The following MT1B variants were observed in gnomAD, a reference collection of about 807,000 sequenced individuals.
The protein encoded by MT1B is metallothionein 1B.
A neutral mutation model predicts 7.9 loss-of-function variants in MT1B; 4 were observed. The ratio of observed to expected loss-of-function variants is 0.51; its 90% confidence interval spans 0.25 to 1.16. The LOEUF (loss-of-function observed/expected upper bound fraction) is 1.16. Ranked by LOEUF, MT1B falls within the 50% of genes most tolerant of loss-of-function variation. MT1B has a pLI of 0.15. For missense variants in MT1B, 76 were observed against 75.2 expected, an observed-to-expected ratio of 1.01 and a Z score of -0.04; for synonymous variants, 22 against 27.6, an observed-to-expected ratio of 0.80 and a Z score of 0.63.
chr16:56,652,888 G>T, intron 2 of MT1B, 86 bp from the exon 3 acceptor site: 3 of 1,455,162 alleles, frequency 2.1e-6, no homozygotes, highest in Non-Finnish European at 1.9e-6. Flanking sequence ...GGGTGTGGGG[G>T]CTGAACTTCA....
rs568324461 is a variant in MT1B, at chr16:56,651,938, C to T, written c.-16C>T. The T allele has an allele frequency of 1.7e-5, 27 of 1,614,222 alleles. No individual in the cohort carries two copies. In the South Asian group the frequency reaches 2.2e-4, roughly 13 times the overall value. ...TCATATCTTGCCTAGGAACTCCAGG[C>T]TTGTCTTGGCTCCAAATGGATCCCA... On this transcript the variant is annotated 5_prime_UTR_variant, in exon 1 of 3. Coordinates refer to ENST00000334346, the MANE Select transcript of MT1B (RefSeq NM_005947.3).
At chr16:56,652,080 A>C in intron 1 of MT1B, 99 bp downstream of exon 1, 1 of 1,475,732 alleles carries the variant, frequency 6.8e-7, no homozygotes, top group Non-Finnish European at 9.5e-7. Flanking sequence ...ATGTGAGTTG[A>C]AGGGAACTCG....
Position 56,652,559 on chromosome 16 carries a change from G to A in MT1B, c.29-12G>A, listed in dbSNP as rs964374. ...TTACTCACTGCCCACTGCCTTTTTC[G>A]CTTCCTTGCAGGTGGCTCCTGTGCC... On this transcript the variant is annotated splice_polypyrimidine_tract_variant and intron_variant, in intron 1 of 2. Transcript: ENST00000334346. 1.8e-4 allele frequency: 291 copies of A among 1,613,122 alleles called. No homozygotes were observed. The African/African-American group carries it at 3.7e-3, about 21-fold the overall frequency.
intron 2 of MT1B, 115 bp from the exon 3 acceptor site, chr16:56,652,859 G>A (rs2144333292): frequency 6.2e-6 from 8 of 1,291,952 alleles, no homozygotes; most frequent in Non-Finnish European, 7.8e-6. Flanking sequence ...AGCTGTGCCA[G>A]CCTAAAAATG....
Position 56,652,646 on chromosome 16 carries a change from G to T in MT1B, c.94+10G>T. The T allele has an allele frequency of 6.2e-7, 1 of 1,613,950 alleles. No homozygotes were observed. The highest frequency in any genetic ancestry group is 1.1e-5 in the South Asian group (1 of 91,086). On this transcript the variant is annotated intron_variant, in intron 2 of 2. Coordinates refer to ENST00000334346, the MANE Select transcript of MT1B (RefSeq NM_005947.3). Reference sequence around the variant, plus strand: ...ACCTCCTGCAAGAAGTGTGAGTGTGGGATCATCTCCAGGAATCTGGGGCTG... The same window carrying T: ...ACCTCCTGCAAGAAGTGTGAGTGTGTGATCATCTCCAGGAATCTGGGGCTG...
In MT1B at chr16:56,653,168, T is replaced by G; in HGVS notation, c.*103T>G. 1 of 1,081,252 alleles carries G rather than the reference T, an allele frequency of 9.2e-7. No individual in the cohort carries two copies. The highest frequency in any genetic ancestry group is 2.4e-5 in the East Asian group (1 of 41,126). 67.0% of individuals were successfully genotyped at this position (1,081,252 alleles called of 1,614,324 possible). On this transcript the variant is annotated 3_prime_UTR_variant, in exon 3 of 3. Coordinates refer to ENST00000334346, the MANE Select transcript of MT1B (RefSeq NM_005947.3). Reference sequence around the variant, plus strand: ...CGGTTTGCTACATTCTTTTTTCTATTCAATATGTGAAAGACAATAAAACAC... The same window carrying G: ...CGGTTTGCTACATTCTTTTTTCTATGCAATATGTGAAAGACAATAAAACAC...
chr16:56,652,051 G>A (rs559491914), intron 1 of MT1B, 70 bp downstream of exon 1: 2 of 1,588,666 alleles, frequency 1.3e-6, no homozygotes, highest in African/African-American at 2.7e-5. Flanking sequence ...CCCTGGGTTA[G>A]AGAAGGTTGC....
chr16:56,652,480 C>A, intron 1 of MT1B, 91 bp from the exon 2 acceptor site: 1 of 1,247,586 alleles, frequency 8.0e-7, no homozygotes, highest in Admixed American at 1.7e-5. Flanking sequence ...GCTGGCCCTG[C>A]ACAGAGGATG....
intron 1 of MT1B, 50 bp downstream of exon 1, chr16:56,652,031 T>C: frequency 1.2e-6 from 2 of 1,608,872 alleles, no homozygotes; most frequent in Non-Finnish European, 8.5e-7. Context: ...CCGGCCACTG[T>C]ACACAGTGTC....
At chr16:56,652,871 A>G in intron 2 of MT1B, 103 bp from the exon 3 acceptor site, 1 of 1,361,974 alleles carries the variant, frequency 7.3e-7, no homozygotes, top group Non-Finnish European at 1.0e-6. Context: ...CTAAAAATGC[A>G]TCCTCTGGGT....
intron 1 of MT1B, 24 bp downstream of exon 1, chr16:56,652,005 C>G (rs1398052616): frequency 1.2e-6 from 2 of 1,613,978 alleles, no homozygotes; most frequent in Non-Finnish European, 1.7e-6. Flanking sequence ...GGCTCTGGGC[C>G]TTGAGATGCC....
chr16:56,652,206 C>T (rs924651926), intron 1 of MT1B, among the ~76,000 whole-genome samples: 21 of 152,358 alleles, frequency 1.4e-4, no homozygotes, highest in African/African-American at 4.6e-4. Flanking sequence ...TCCATGTCAC[C>T]CACCTAGTCA....
chr16:56,652,836 A>G, intron 2 of MT1B, 138 bp from the exon 3 acceptor site: 1 of 1,177,194 alleles, frequency 8.5e-7, no homozygotes, highest in Non-Finnish European at 1.3e-6. Context: ...CCTCAAATGT[A>G]CCATCAGAAC....
chr16:56,652,541 C>T, intron 1 of MT1B, 30 bp from the exon 2 acceptor site: 2 of 1,609,618 alleles, frequency 1.2e-6, no homozygotes, highest in Non-Finnish European at 1.7e-6. Flanking sequence ...ATCTTACTCA[C>T]TGCCCACTGC....
Position 56,652,788 on chromosome 16 carries a change from A to T in MT1B, c.94+152A>T. On this transcript the variant is annotated intron_variant, in intron 2 of 2. Transcript: ENST00000334346. ...TCTCCAGGCTTTCTGCTCTGAGCTCAGATGGGTCAGGGCAGACTTTTTCTA... is the reference window on the plus strand; with the variant it reads ...TCTCCAGGCTTTCTGCTCTGAGCTCTGATGGGTCAGGGCAGACTTTTTCTA... 3 of 1,202,122 alleles carry T rather than the reference A, an allele frequency of 2.5e-6. No individual in the cohort carries two copies. In the South Asian group the frequency reaches 3.8e-5, roughly 15 times the overall value. 74.5% of individuals were successfully genotyped at this position (1,202,122 alleles called of 1,614,324 possible).
intron 1 of MT1B, 99 bp downstream of exon 1, chr16:56,652,080 A>G (rs1960561184): frequency 1.4e-6 from 2 of 1,475,614 alleles, no homozygotes; most frequent in Non-Finnish European, 1.9e-6. Flanking sequence ...ATGTGAGTTG[A>G]AGGGAACTCG....
Position 56,653,065 on chromosome 16 carries a change from A to G in MT1B, c.186A>G (p.Ter62TrpextTer11). The part of the protein sequence containing the change: ...GSSEKCRCCA[*>W] ...CAGAGAAGTGCCGCTGCTGTGCCTG[A>G]TGTTGGGAGAGCCCTGCTCCCAGAC... is the stretch of plus-strand genomic sequence containing the variant. The change falls in exon 3 of 3, where the codon TGA (stop) becomes TGG (tryptophan). Residue 62 changes from the stop codon to tryptophan, a stop_lost. Transcript: ENST00000334346. 1 of 1,613,588 alleles carries G rather than the reference A, an allele frequency of 6.2e-7. No individual in the cohort carries two copies. Among genetic ancestry groups the G allele is most frequent in the East Asian group, 2.2e-5 (1 of 44,876 alleles).
intron 1 of MT1B, 59 bp downstream of exon 1, chr16:56,652,040 T>C: frequency 6.3e-7 from 1 of 1,592,934 alleles, no homozygotes; most frequent in Non-Finnish European, 8.6e-7. Flanking sequence ...GTACACAGTG[T>C]CCCTGGGTTA....
chr16:56,652,330 C>T (rs2070839), intron 1 of MT1B, among the ~76,000 whole-genome samples: 51,612 of 152,054 alleles, frequency 0.34, 9,114 homozygotes, highest in Admixed American at 0.41. Context: ...TGGCCTCCAG[C>T]CCCAGTCTTC....
Sources: allele counts gnomAD v4.1 joint callset (sites outside exome capture counted in the v4.1 genomes callset), GRCh38; gene constraint gnomAD v4.1.1; transcripts MANE v1.5; gene names NCBI Gene and HGNC (gene_info 2026-07-23, HGNC 2026-07-21).